The following TYW1B variants were observed in gnomAD, a reference collection of about 807,000 sequenced individuals.
TYW1B encodes tRNA-yW synthesizing protein 1 homolog B, also known as S-adenosyl-L-methionine-dependent tRNA 4-demethylwyosine synthase TYW1B.
Under a neutral mutation model 86.9 loss-of-function variants are expected in TYW1B, and 73 were observed. The ratio of observed to expected loss-of-function variants is 0.84; its 90% CI spans 0.70 to 1.02. The LOEUF is 1.02. TYW1B is among the 50% of genes least tolerant of loss of function. The pLI is 0.00. For missense variants in TYW1B, 637 were observed against 827.4 expected, an observed-to-expected ratio of 0.77 and a Z score of 2.82; for synonymous variants, 248 against 292.8, an observed-to-expected ratio of 0.85 and a Z score of 1.56.
chr7:72,785,840 T>C (rs1441731186), intron 6 of TYW1B, among the ~76,000 whole-genome samples: 1 of 151,936 alleles, frequency 6.6e-6, no homozygotes, highest in Admixed American at 6.6e-5. Context: ...AAGCCAGGCT[T>C]AGTGGCTCGC....
intron 2 of TYW1B, among the ~76,000 whole-genome samples, chr7:72,817,403 A>G (rs1286295164): frequency 6.6e-6 from 1 of 152,156 alleles, no homozygotes; most frequent in South Asian, 2.1e-4. Context: ...GCGAGACTCC[A>G]TTTCAAAAAA....
At chr7:72,778,571 T>A (rs1787997097) in intron 6 of TYW1B, among the ~76,000 whole-genome samples, 1 of 152,194 alleles carries the variant, frequency 6.6e-6, no homozygotes, top group South Asian at 2.1e-4. Flanking sequence ...TGCCTCAGCC[T>A]CCCAAGTAGC....
At chr7:72,581,028 A>T (rs1386217686) in intron 13 of TYW1B, among the ~76,000 whole-genome samples, 34 of 101,906 alleles carry the variant, frequency 3.3e-4, no homozygotes, top group African/African-American at 1.3e-3. Context: ...GGAAGCATGG[A>T]TTGAGGAGGT....
chr7:72,585,189 C>A (rs1312786799), intron 13 of TYW1B, among the ~76,000 whole-genome samples: 1 of 152,190 alleles, frequency 6.6e-6, no homozygotes, highest in East Asian at 1.9e-4. Flanking sequence ...TTGTATCATT[C>A]AGCTGGCCCC....
chr7:72,776,201 G>A (rs1787950965), intron 7 of TYW1B, among the ~76,000 whole-genome samples: 1 of 152,112 alleles, frequency 6.6e-6, no homozygotes, highest in South Asian at 2.1e-4. Flanking sequence ...TACAGGTTAA[G>A]AAAGAAATAA....
rs1405210589 is a variant in TYW1B, at chr7:72,798,340, G to A, written c.846+4060C>T. Among the ~76,000 whole-genome samples, 9 of 151,846 alleles carry A rather than the reference G, an allele frequency of 5.9e-5. No individual in the cohort carries two copies. The South Asian group carries it at 8.3e-4, about 14-fold the overall frequency. ...CAGGAGGCAGAGCTTGCAGTGAGCC[G>A]AGATCGCGCCACTGCACTCCAGCCT... On this transcript the variant is annotated intron_variant, in intron 6 of 13. Coordinates refer to ENST00000620995, the MANE Select transcript of TYW1B (RefSeq NM_001145440.3).
intron 13 of TYW1B, among the ~76,000 whole-genome samples, chr7:72,596,975 G>C (rs1811549668): frequency 6.6e-6 from 1 of 151,714 alleles, no homozygotes; most frequent in Admixed American, 6.6e-5. Flanking sequence ...TATAGAAATG[G>C]ACAATAAGCA....
At chr7:72,695,286 C>G (rs1313881942) in intron 10 of TYW1B, among the ~76,000 whole-genome samples, 1 of 152,042 alleles carries the variant, frequency 6.6e-6, no homozygotes, top group African/African-American at 2.4e-5. Context: ...AAAGCTCAGG[C>G]CTTATTCAAA....
intron 6 of TYW1B, among the ~76,000 whole-genome samples, chr7:72,786,794 C>T (rs1240343397): frequency 1.3e-5 from 2 of 151,924 alleles, no homozygotes; most frequent in Non-Finnish European, 2.9e-5. Flanking sequence ...AGGCTGGTCT[C>T]GAACTCCTGA....
In TYW1B at chr7:72,807,318, G is replaced by A. The variant is rs200711271; in HGVS notation, c.471C>T (p.Gly157=). Residue 157 remains glycine, a synonymous_variant, in exon 5 of 14, where the codon GGC becomes GGT. Coordinates refer to ENST00000620995, the MANE Select transcript of TYW1B (RefSeq NM_001145440.3). ...KNVDKWLWML[G]VHRVMSRGEG... ...CCCCTCGACTCATCACACGATGCACGCCAAGCATCCAGAGCCACTTGTCAA... is the reference window on the plus strand; with the variant it reads ...CCCCTCGACTCATCACACGATGCACACCAAGCATCCAGAGCCACTTGTCAA... 5,635 of 1,613,936 alleles carry A rather than the reference G, an allele frequency of 3.5e-3. 39 individuals are homozygous for A. The highest frequency in any genetic ancestry group is 3.2e-3 in the Non-Finnish European group (3,796 of 1,179,902).
chr7:72,734,527 C>T (rs56675693), intron 8 of TYW1B, among the ~76,000 whole-genome samples: 134 of 152,250 alleles, frequency 8.8e-4, no homozygotes, highest in African/African-American at 3.2e-3. Context: ...AGAGGAAACA[C>T]TTTAGGACAT....
At chr7:72,780,425 A>T (rs1214607956) in intron 6 of TYW1B, among the ~76,000 whole-genome samples, 3 of 152,194 alleles carry the variant, frequency 2.0e-5, no homozygotes, top group African/African-American at 7.2e-5. Context: ...ATTTGCCCTC[A>T]AAAGCCTTGT....
chr7:72,821,689 T>C (rs1788830024), intron 2 of TYW1B, among the ~76,000 whole-genome samples: 1 of 152,094 alleles, frequency 6.6e-6, no homozygotes, highest in African/African-American at 2.4e-5. Flanking sequence ...ATTCTTAAAG[T>C]AGAACAAACA....
At chr7:72,730,632 A>C (rs1415500634) in intron 8 of TYW1B, among the ~76,000 whole-genome samples, 4 of 151,158 alleles carry the variant, frequency 2.6e-5, no homozygotes, top group Non-Finnish European at 5.9e-5. Flanking sequence ...AAAAAGAAAG[A>C]AGAAAAGAAG....
rs587689485 is a variant in TYW1B, at chr7:72,700,155, C to CTTTT, written c.1371-5337_1371-5334dup. Among the ~76,000 whole-genome samples, 137 of 74,266 alleles carry CTTTT rather than the reference C, an allele frequency of 1.8e-3. 6 individuals are homozygous for CTTTT. Among genetic ancestry groups the CTTTT allele is most frequent in the East Asian group, 5.7e-3 (9 of 1,586 alleles). The allele number at this position is 74,266 out of a possible 152,430, so 48.7% of individuals were successfully genotyped here. ...TATCAATACATAAAGAGCTTTTACA[C>CTTTT]TTTTTTTTTTTTTTTTTTTTTTTTT... On this transcript the variant is annotated intron_variant, in intron 10 of 13. Coordinates refer to ENST00000620995, the MANE Select transcript of TYW1B (RefSeq NM_001145440.3).
chr7:72,708,925 A>G (rs1223227522), intron 10 of TYW1B, among the ~76,000 whole-genome samples: 2 of 152,094 alleles, frequency 1.3e-5, no homozygotes, highest in Non-Finnish European at 1.5e-5. Context: ...AATCCTAATC[A>G]TTTTGTTTTT....
chr7:72,661,507 A>G (rs1554444464), intron 11 of TYW1B, among the ~76,000 whole-genome samples: 1 of 148,546 alleles, frequency 6.7e-6, no homozygotes, highest in African/African-American at 2.5e-5. Context: ...CTGAAATTTT[A>G]GTTGCAAGAA....
At chr7:72,633,938 T>C (rs1241045346) in intron 11 of TYW1B, among the ~76,000 whole-genome samples, 2 of 152,166 alleles carry the variant, frequency 1.3e-5, no homozygotes, top group African/African-American at 4.8e-5. Context: ...CATTCTTTTG[T>C]GTCTGGCTTC....
At chr7:72,622,429 TA>T (rs1812240240) in intron 12 of TYW1B, among the ~76,000 whole-genome samples, 1 of 152,308 alleles carries the variant, frequency 6.6e-6, no homozygotes, top group Non-Finnish European at 1.5e-5. Context: ...ACAAACTTAT[TA>T]AAGAGATATT....
Sources: gnomAD v4.1 joint callset for allele counts (sites outside exome capture counted in the v4.1 genomes callset) on GRCh38, gnomAD v4.1.1 for gene constraint, MANE v1.5 for transcripts, NCBI Gene and HGNC (gene_info 2026-07-23, HGNC 2026-07-21) for gene names.